The following SERINC5 variants were observed in gnomAD, a reference collection of about 807,000 sequenced individuals.
SERINC5 encodes serine incorporator 5, also known as chromosome 5 open reading frame 12.
SERINC5 carries 41 observed loss-of-function variants against 63.1 expected under a neutral mutation model. That is an observed-to-expected ratio of 0.65 (90% confidence interval 0.51 to 0.84). SERINC5 has a LOEUF of 0.84. SERINC5 is among the 40% of genes least tolerant of loss of function. SERINC5 has a pLI of 0.00. For synonymous variants in SERINC5, 222 were observed against 215.2 expected (o/e 1.03, Z -0.28); for missense variants, 523 against 573.0 (o/e 0.91, Z 0.89).
intron 8 of SERINC5, among the ~76,000 whole-genome samples, chr5:80,152,838 G>A (rs1351114471): frequency 6.6e-6 from 1 of 152,166 alleles, no homozygotes; most frequent in Admixed American, 6.5e-5. Context: ...CTGCTCAGGG[G>A]GCTGAGGCAG....
At chr5:80,218,853 A>G (rs1302206313) in intron 1 of SERINC5, among the ~76,000 whole-genome samples, 1 of 151,964 alleles carries the variant, frequency 6.6e-6, no homozygotes, top group Admixed American at 6.6e-5. Flanking sequence ...GAAAGGGCTC[A>G]CTGCTCAAAA....
At chr5:80,158,630 C>A in intron 8 of SERINC5, 1 of 525,668 alleles carries the variant, frequency 1.9e-6, no homozygotes, top group Non-Finnish European at 3.4e-6. Flanking sequence ...ATTTACATAC[C>A]ATATATTTGC....
chr5:80,207,233 T>C (rs952895292), intron 1 of SERINC5, among the ~76,000 whole-genome samples: 18 of 152,150 alleles, frequency 1.2e-4, no homozygotes, highest in African/African-American at 4.3e-4. Context: ...CTCCTGACCT[T>C]GTAATCCGCC....
intron 4 of SERINC5, among the ~76,000 whole-genome samples, chr5:80,176,968 C>G (rs998295505): frequency 6.6e-6 from 1 of 152,168 alleles, no homozygotes; most frequent in Non-Finnish European, 1.5e-5. Flanking sequence ...CTGAAAGATG[C>G]TTTTCCTGTC....
chr5:80,206,118 AAGAAATTACCATAAACTGC>A, intron 1 of SERINC5, among the ~76,000 whole-genome samples: 1 of 152,180 alleles, frequency 6.6e-6, no homozygotes. Flanking sequence ...GCAATGCTAC[AAGAAATTACCATAAACTGC>A]AGATTACAAT....
chr5:80,215,372 C>T (rs1417886275), intron 1 of SERINC5, among the ~76,000 whole-genome samples: 1 of 152,194 alleles, frequency 6.6e-6, no homozygotes, highest in Non-Finnish European at 1.5e-5. Context: ...AAAAGCAGAA[C>T]CTGCTATGCT....
At chr5:80,188,658 G>C (rs934010815) in intron 2 of SERINC5, among the ~76,000 whole-genome samples, 1 of 152,140 alleles carries the variant, frequency 6.6e-6, no homozygotes, top group Admixed American at 6.6e-5. Flanking sequence ...GGCCAAGGCA[G>C]GAGGATCACT....
At chr5:80,134,484 TCAAAA>T (rs886921790), downstream of SERINC5, among the ~76,000 whole-genome samples, 18 of 152,056 alleles carry the variant, frequency 1.2e-4, no homozygotes, top group African/African-American at 3.4e-4. Flanking sequence ...AGACTCTGTC[TCAAAA>T]CAAAACAAAA....
intron 1 of SERINC5, among the ~76,000 whole-genome samples, chr5:80,232,480 T>G (rs1751493520): frequency 6.7e-6 from 1 of 149,812 alleles, no homozygotes; most frequent in Admixed American, 6.7e-5. Flanking sequence ...GTGTGGTATA[T>G]TCCAGTAAAA....
chr5:80,204,512 G>C (rs1490795595), intron 1 of SERINC5, among the ~76,000 whole-genome samples: 1 of 152,174 alleles, frequency 6.6e-6, no homozygotes, highest in African/African-American at 2.4e-5. Context: ...CATAGGACAT[G>C]CAGGAACAGT....
At position 80,141,332 on chromosome 5, in the gene SERINC5, C is replaced by T. The variant is rs1745492086; in HGVS notation, c.*2331G>A. 6.1e-6 allele frequency: 6 copies of T among 985,396 alleles called. No homozygotes were observed. The highest frequency in any genetic ancestry group is 7.2e-6 in the Non-Finnish European group (6 of 829,934). 61.0% of individuals were successfully genotyped at this position (985,396 alleles called of 1,614,324 possible). On this transcript the variant is annotated 3_prime_UTR_variant, in exon 12 of 12. Coordinates refer to ENST00000507668, the MANE Select transcript of SERINC5 (RefSeq NM_001174072.3). ...CTGGGCTGGCTCCAGAAGGAAGCGA[C>T]GAGGGCCTTCTACCGGCCACACTCC...
At chr5:80,196,218 GA>G (rs140389722) in intron 2 of SERINC5, among the ~76,000 whole-genome samples, 1,544 of 152,234 alleles carry the variant, frequency 0.01, 27 homozygotes, top group African/African-American at 0.035. Context: ...ATATGGGGAT[GA>G]TCAAAGCCAG....
intron 1 of SERINC5, among the ~76,000 whole-genome samples, chr5:80,219,300 T>C (rs1043839901): frequency 6.6e-6 from 1 of 152,222 alleles, no homozygotes; most frequent in Non-Finnish European, 1.5e-5. Context: ...GCTTTTTTCT[T>C]GGAGTAACAG....
chr5:80,179,487 T>C (rs996480275), intron 2 of SERINC5, among the ~76,000 whole-genome samples: 5 of 152,222 alleles, frequency 3.3e-5, no homozygotes, highest in African/African-American at 1.2e-4. Context: ...TTTGTACTTG[T>C]TTTTTATTAT....
Position 80,181,416 on chromosome 5 carries a change from T to TGTGTGTGTGTGTGTGTG in SERINC5, c.196-3353_196-3352insCACACACACACACACAC, listed in dbSNP as rs1580124918. ...CATGCACCACCAAGCTCAGCTAATT[T>TGTGTGTGTGTGTGTGTG]TGTGTGTGTGTGTGTGTGTGTGTGT... On this transcript the variant is annotated intron_variant, in intron 2 of 11. Coordinates refer to ENST00000507668, the MANE Select transcript of SERINC5 (RefSeq NM_001174072.3). Among the ~76,000 whole-genome samples, 265 of 145,438 alleles carry TGTGTGTGTGTGTGTGTG rather than the reference T, an allele frequency of 1.8e-3. 4 individuals are homozygous for TGTGTGTGTGTGTGTGTG. In the East Asian group the frequency reaches 0.018, roughly 10 times the overall value.
chr5:80,161,717 A>G (rs1487561134), intron 7 of SERINC5, among the ~76,000 whole-genome samples: 5 of 152,010 alleles, frequency 3.3e-5, no homozygotes, highest in Non-Finnish European at 5.9e-5. Flanking sequence ...ACATAGTTCC[A>G]TTTGTCTGGT....
In SERINC5 at chr5:80,198,176, A is replaced by G. The variant is rs896366593; in HGVS notation, c.195+4710T>C. On this transcript the variant is annotated intron_variant, in intron 2 of 11. Coordinates refer to ENST00000507668, the MANE Select transcript of SERINC5 (RefSeq NM_001174072.3). ...TTTAATCCCCCAGGTATCAAATCTC[A>G]TGAGTGTGTACCTGCTTAAATTATA... Among the ~76,000 whole-genome samples, 5 of 152,110 alleles carry G rather than the reference A, an allele frequency of 3.3e-5. No individual in the cohort carries two copies. The East Asian group carries it at 9.6e-4, about 29-fold the overall frequency.
intron 1 of SERINC5, among the ~76,000 whole-genome samples, chr5:80,227,705 C>T (rs1417761100): frequency 6.6e-6 from 1 of 151,914 alleles, no homozygotes; most frequent in East Asian, 1.9e-4. Flanking sequence ...CAAAAACTAG[C>T]CAGGGTGGGG....
intron 1 of SERINC5, among the ~76,000 whole-genome samples, chr5:80,251,299 CAT>C (rs1334632393): frequency 9.5e-5 from 7 of 73,638 alleles, no homozygotes; most frequent in African/African-American, 3.5e-4. Context: ...TGCATACATA[CAT>C]ACATACATAC....
Sources: gnomAD v4.1 joint callset for allele counts (sites outside exome capture counted in the v4.1 genomes callset) on GRCh38, gnomAD v4.1.1 for gene constraint, MANE v1.5 for transcripts, NCBI Gene and HGNC (gene_info 2026-07-23, HGNC 2026-07-21) for gene names.